The following AHRR variants were observed in gnomAD, a reference collection of about 807,000 sequenced individuals.
AHRR encodes aryl hydrocarbon receptor repressor, also known as ahR repressor.
Under a neutral mutation model 44.0 loss-of-function variants are expected in AHRR, and 28 were observed. The ratio of observed to expected loss-of-function variants is 0.64; its 90% confidence interval spans 0.47 to 0.87. The LOEUF is 0.87. Ranked by LOEUF, AHRR falls within the 40% of genes least tolerant of loss-of-function variation. The pLI is 0.00. For missense variants in AHRR, 990 were observed against 953.9 expected, an observed-to-expected ratio of 1.04 and a Z score of -0.50; for synonymous variants, 434 against 407.0, an observed-to-expected ratio of 1.07 and a Z score of -0.80.
intron 3 of AHRR, 53 bp from the exon 4 acceptor site, chr5:376,557 A>AACCGTGTGGTGAAGGC (rs368685976): frequency 7.1e-7 from 1 of 1,403,422 alleles, no homozygotes; most frequent in East Asian, 2.4e-5. Flanking sequence ...AATGAAGAAG[A>AACCGTGTGGTGAAGGC]GTGGCCAGGC....
intron 1 of AHRR, among the ~76,000 whole-genome samples, chr5:334,761 C>A (rs1228305423): frequency 6.6e-6 from 1 of 151,974 alleles, no homozygotes; most frequent in African/African-American, 2.4e-5. Context: ...TATTACCCTG[C>A]TTTTTCATGT....
intron 4 of AHRR, among the ~76,000 whole-genome samples, chr5:393,227 A>T (rs1734550693): frequency 6.6e-6 from 1 of 152,196 alleles, no homozygotes; most frequent in African/African-American, 2.4e-5. Context: ...GTGCCGGCAC[A>T]GACGCGTCCT....
rs758110651 is a variant in AHRR, at chr5:413,447, G to C, written c.441+14G>C. The C allele has an allele frequency of 1.9e-6, 3 of 1,580,070 alleles. No homozygotes were observed. Among genetic ancestry groups the C allele is most frequent in the Non-Finnish European group, 2.6e-6 (3 of 1,153,592 alleles). ...GGCTTCCATCAGGTAAATGAAACCA[G>C]AATAGCCCTCCAGTCTGTTAAGTGC... is the stretch of plus-strand genomic sequence containing the variant. On this transcript the variant is annotated intron_variant, in intron 5 of 10. Transcript: ENST00000684583.
At chr5:425,313 T>TTTTA (rs1378317897) in intron 7 of AHRR, among the ~76,000 whole-genome samples, 5 of 152,190 alleles carry the variant, frequency 3.3e-5, no homozygotes, top group South Asian at 2.1e-4. Context: ...GACAATAAAG[T>TTTTA]TTTATTTATT....
intron 3 of AHRR, among the ~76,000 whole-genome samples, chr5:364,583 A>G (rs928696242): frequency 6.6e-6 from 1 of 152,134 alleles, no homozygotes; most frequent in Non-Finnish European, 1.5e-5. Context: ...ATGAGAAAAT[A>G]TAATCAATCA....
At chr5:366,454 GT>G (rs1743364389) in intron 3 of AHRR, among the ~76,000 whole-genome samples, 1 of 150,818 alleles carries the variant, frequency 6.6e-6, no homozygotes, top group African/African-American at 2.4e-5. Flanking sequence ...AAGTAAATAA[GT>G]TTTTCCTCAC....
rs376734422 is a variant in AHRR, at chr5:370,658, G to A, written c.245-5952G>A. Among the ~76,000 whole-genome samples the A allele has an allele frequency of 1.7e-3, 259 of 151,746 alleles. 12 individuals carry two copies. In the South Asian group the frequency reaches 0.053, roughly 31 times the overall value. Reference sequence around the variant, plus strand: ...CATGGGAAGGTGTGGGTGATGGGGGGACAGTCCATGGGAAGGCACAGGTGA... The same window carrying A: ...CATGGGAAGGTGTGGGTGATGGGGGAACAGTCCATGGGAAGGCACAGGTGA... On this transcript the variant is annotated intron_variant, in intron 3 of 10. Transcript: ENST00000684583. This position sits in a 1 kb window ranked among gnomAD's most constrained non-coding sequence, Gnocchi z 4.5.
intron 2 of AHRR, among the ~76,000 whole-genome samples, chr5:353,367 G>C (rs1290846318): frequency 6.6e-6 from 1 of 152,162 alleles, no homozygotes; most frequent in African/African-American, 2.4e-5. Flanking sequence ...CTCCTGCCCC[G>C]CCAGCCTGGG....
At chr5:425,709 C>T (rs1478162567) in intron 7 of AHRR, among the ~76,000 whole-genome samples, 1 of 152,122 alleles carries the variant, frequency 6.6e-6, no homozygotes. Context: ...AATTGTCAAA[C>T]AAAGAACTGA....
rs1246500512 is a variant in AHRR at position 411,664 on chromosome 5, G to A, written c.352-1680G>A. ...ATCTCTTTTCAGAAATAATATATCT[G>A]TTTTCAAATTGGCAAAGATTTCAAA... On this transcript the variant is annotated intron_variant, in intron 4 of 10. Transcript: ENST00000684583. The surrounding 1 kb of genome is among the most constrained non-coding windows in gnomAD (Gnocchi z 4.2). 6.6e-6 allele frequency among the ~76,000 whole-genome samples: 1 copy of A among 152,000 alleles called. No homozygotes were observed. Among genetic ancestry groups the A allele is most frequent in the Non-Finnish European group, 1.5e-5 (1 of 68,004 alleles).
At chr5:334,313 C>T (rs934579896) in intron 1 of AHRR, among the ~76,000 whole-genome samples, 3 of 152,040 alleles carry the variant, frequency 2.0e-5, no homozygotes, top group African/African-American at 7.3e-5. Context: ...TTTTCTAAGC[C>T]TCTCAATATC....
intron 2 of AHRR, among the ~76,000 whole-genome samples, chr5:345,090 G>GGGGA (rs1388910478): frequency 2.3e-5 from 2 of 87,748 alleles, no homozygotes. Flanking sequence ...GTGTGTGTGT[G>GGGGA]TGTGTGTCAG....
rs556019569 is a variant in AHRR at position 344,768 on chromosome 5, T to G, written c.62+804T>G. 4.5e-5 allele frequency among the ~76,000 whole-genome samples: 5 copies of G among 110,138 alleles called. No homozygotes were observed. In the East Asian group the frequency reaches 9.9e-4, roughly 22 times the overall value. 72.3% of individuals were successfully genotyped at this position (110,138 alleles called of 152,430 possible). ...GGGGAGCTGTGTGTGTGTGGGTGTG[T>G]GTGTGACTGTGCGGGTGTGCGAGGC... On this transcript the variant is annotated intron_variant, in intron 2 of 10. Coordinates refer to ENST00000684583, the MANE Select transcript of AHRR (RefSeq NM_001377236.1).
At chr5:366,649 T>G (rs894224380) in intron 3 of AHRR, among the ~76,000 whole-genome samples, 1 of 152,178 alleles carries the variant, frequency 6.6e-6, no homozygotes, top group African/African-American at 2.4e-5. Flanking sequence ...CTATTAATTA[T>G]GAAGCCGAAA....
chr5:361,821 A>G (rs1410348454), intron 3 of AHRR, among the ~76,000 whole-genome samples: 1 of 152,164 alleles, frequency 6.6e-6, no homozygotes, highest in African/African-American at 2.4e-5. Flanking sequence ...TTTAGGAGAA[A>G]TTGTACCTTG....
intron 1 of AHRR, among the ~76,000 whole-genome samples, chr5:327,744 G>C (rs1390372691): frequency 6.6e-6 from 1 of 152,086 alleles, no homozygotes; most frequent in African/African-American, 2.4e-5. Context: ...ACCTAGTAGT[G>C]GGACTGCTGG....
At chr5:412,281 C>T (rs1472221446) in intron 4 of AHRR, among the ~76,000 whole-genome samples, 1 of 152,090 alleles carries the variant, frequency 6.6e-6, no homozygotes, top group African/African-American at 2.4e-5. Context: ...AAATAACTTG[C>T]ACACACGAAC....
chr5:378,051 G>A (rs139046338), intron 4 of AHRR, among the ~76,000 whole-genome samples: 85 of 152,284 alleles, frequency 5.6e-4, no homozygotes, highest in African/African-American at 2.0e-3. Context: ...TCTGGCCCAC[G>A]GAAATTTCTG....
At chr5:373,115 A>G (rs1743633797) in intron 3 of AHRR, among the ~76,000 whole-genome samples, 2 of 152,204 alleles carry the variant, frequency 1.3e-5, no homozygotes, top group African/African-American at 2.4e-5. Flanking sequence ...GAGACTCTCC[A>G]AGGTGGCTGA....
Sources: gnomAD v4.1 joint callset for allele counts (sites outside exome capture counted in the v4.1 genomes callset) on GRCh38, gnomAD v4.1.1 for gene constraint, Gnocchi (gnomAD v3.1) non-coding constraint, MANE v1.5 for transcripts, NCBI Gene and HGNC (gene_info 2026-07-23, HGNC 2026-07-21) for gene names.